SPECC1L: variants seen among roughly 807,000 people sequenced by gnomAD.
The protein encoded by SPECC1L is cytospin-A.
In SPECC1L, 40 loss-of-function variants were observed where a neutral mutation model predicts 116.8. The observed-to-expected ratio is 0.34, with a 90% CI of 0.27 to 0.45. The LOEUF is 0.45. Among genes scored for constraint, SPECC1L ranks in the 20% least tolerant of loss-of-function variants. The pLI is 1.00. For synonymous variants in SPECC1L, 504 were observed against 500.6 expected, an observed-to-expected ratio of 1.01 and a Z score of -0.09; for missense variants, 1,110 against 1,373.6, an observed-to-expected ratio of 0.81 and a Z score of 3.03.
At chr22:24,353,651 G>A (rs1252060178) in intron 11 of SPECC1L, among the ~76,000 whole-genome samples, 5 of 151,654 alleles carry the variant, frequency 3.3e-5, no homozygotes, top group Non-Finnish European at 5.9e-5. Flanking sequence ...CAGGTGATCC[G>A]CCCACCTCGA....
chr22:24,323,146 T>C lies in SPECC1L; in HGVS notation c.1938+228T>C, dbSNP rs181666717. The C allele has an allele frequency of 1.0e-3, 1,009 of 969,054 alleles. 11 individuals carry two copies. In the African/African-American group the frequency reaches 0.017, roughly 16 times the overall value. 60.0% of individuals were successfully genotyped at this position (969,054 alleles called of 1,614,324 possible). A position where few individuals can be genotyped will look rare whatever the true frequency, so the allele number is the denominator to read the frequency against. On this transcript the variant is annotated intron_variant, in intron 5 of 16. Transcript: ENST00000314328. ...TGTATTTTGTTTCTGTTTTCCTGCC[T>C]GTGAGAGGATATGGCTGGTATTACA...
chr22:24,275,542 C>T (rs1265124029), intron 1 of SPECC1L, among the ~76,000 whole-genome samples: 1 of 149,270 alleles, frequency 6.7e-6, no homozygotes, highest in East Asian at 1.9e-4. Flanking sequence ...TTCTCTTGTA[C>T]ACCTTTCACC....
intron 3 of SPECC1L, among the ~76,000 whole-genome samples, chr22:24,303,441 G>A (rs1396358007): frequency 6.6e-6 from 1 of 152,132 alleles, no homozygotes; most frequent in East Asian, 1.9e-4. Context: ...TCATTTTGTT[G>A]GTGGCAGTGC....
chr22:24,325,228 C>T (rs2040794538), intron 6 of SPECC1L, among the ~76,000 whole-genome samples: 1 of 152,164 alleles, frequency 6.6e-6, no homozygotes, highest in Non-Finnish European at 1.5e-5. Context: ...ATGGCAGTGT[C>T]CCTCACAGTA....
intron 2 of SPECC1L, among the ~76,000 whole-genome samples, chr22:24,290,008 C>T (rs181381240): frequency 6.6e-6 from 1 of 152,300 alleles, no homozygotes; most frequent in African/African-American, 2.4e-5. Flanking sequence ...TTCTTTCCTA[C>T]TCAGCTTTTT....
At position 24,390,867 on chromosome 22, in the gene SPECC1L, C is replaced by CTTTTT. The variant is rs1556306072; in HGVS notation, c.3088-20717_3088-20716insTTTTT. 1.7e-3 allele frequency among the ~76,000 whole-genome samples: 83 copies of CTTTTT among 47,534 alleles called. 1 individual carries two copies. The highest frequency in any genetic ancestry group is 3.2e-3 in the African/African-American group (39 of 12,204). The allele number at this position is 47,534 out of a possible 152,430, so 31.2% of individuals were successfully genotyped here. On this transcript the variant is annotated intron_variant, in intron 14 of 16. Coordinates refer to ENST00000314328, the MANE Select transcript of SPECC1L (RefSeq NM_015330.6). ...GCCTGTGTTCCTTTTTTTTTTTTTT[C>CTTTTT]TTTTCTTTTTTTTTTTTTTTTTTTT...
rs552079700 is a variant in SPECC1L at position 24,405,435 on chromosome 22, C to T, written c.3088-6153C>T. On this transcript the variant is annotated intron_variant, in intron 14 of 16. Transcript: ENST00000314328. ...CCAGGAGCAGGGCTCCAGGTAGGAG[C>T]AGCCTAGGGACTTTCTCGGTGATTC... is the stretch of plus-strand genomic sequence containing the variant. 2.6e-5 allele frequency among the ~76,000 whole-genome samples: 4 copies of T among 152,000 alleles called. No individual in the cohort carries two copies. The East Asian group carries it at 7.7e-4, about 29-fold the overall frequency.
chr22:24,323,190 C>T (rs927644386), intron 5 of SPECC1L: 187 of 815,096 alleles, frequency 2.3e-4, no homozygotes, highest in Non-Finnish European at 2.6e-4. Flanking sequence ...CAGAATTTGT[C>T]CCTAGTTCTG....
intron 16 of SPECC1L, 106 bp downstream of exon 16, chr22:24,412,813 C>A: frequency 7.9e-7 from 1 of 1,270,066 alleles, no homozygotes; most frequent in Non-Finnish European, 1.1e-6. Context: ...GTGTGGCTGC[C>A]TGGTAAAAGG....
intron 2 of SPECC1L, among the ~76,000 whole-genome samples, chr22:24,295,454 A>G (rs1331790994): frequency 2.7e-5 from 4 of 150,846 alleles, no homozygotes; most frequent in Admixed American, 1.3e-4. Context: ...CCCGTCACCC[A>G]GGTAGTGAGC....
intron 4 of SPECC1L, among the ~76,000 whole-genome samples, chr22:24,317,413 A>G (rs1484785017): frequency 5.1e-4 from 42 of 82,914 alleles, no homozygotes; most frequent in South Asian, 8.7e-4. Flanking sequence ...CTCACCTCCC[A>G]GATGGGGCGC....
intron 14 of SPECC1L, among the ~76,000 whole-genome samples, chr22:24,382,090 T>C (rs1165230762): frequency 3.3e-5 from 5 of 152,152 alleles, no homozygotes; most frequent in African/African-American, 1.2e-4. Flanking sequence ...TCAGACCAAA[T>C]CTCTGACGAG....
At chr22:24,357,708 C>T (rs1284431278) in intron 11 of SPECC1L, among the ~76,000 whole-genome samples, 4 of 152,100 alleles carry the variant, frequency 2.6e-5, no homozygotes, top group Non-Finnish European at 2.9e-5. Flanking sequence ...CTGTGATTAC[C>T]CTCAGGGCAG....
At chr22:24,405,551 CCTTACAGGCTGGG>C (rs1257917350) in intron 14 of SPECC1L, among the ~76,000 whole-genome samples, 1 of 152,068 alleles carries the variant, frequency 6.6e-6, no homozygotes, top group African/African-American at 2.4e-5. Flanking sequence ...CCTAAAAATA[CCTTACAGGCTGGG>C]CACGGTAGCT....
intron 2 of SPECC1L, among the ~76,000 whole-genome samples, chr22:24,297,520 T>G (rs965236446): frequency 2.0e-5 from 3 of 152,156 alleles, no homozygotes; most frequent in Non-Finnish European, 4.4e-5. Context: ...TATAGTATAT[T>G]TAACTATATT....
chr22:24,288,322 C>G (rs1415791296), intron 2 of SPECC1L, among the ~76,000 whole-genome samples: 1 of 152,026 alleles, frequency 6.6e-6, no homozygotes, highest in Admixed American at 6.5e-5. Flanking sequence ...CTCTTACACA[C>G]TCACTGTCTG....
At chr22:24,383,120 A>G (rs1248522251) in intron 14 of SPECC1L, among the ~76,000 whole-genome samples, 1 of 152,218 alleles carries the variant, frequency 6.6e-6, no homozygotes, top group African/African-American at 2.4e-5. Context: ...TTGAGACCTC[A>G]AAAGAATTAT....
At chr22:24,324,463 A>G (rs1408901573) in intron 6 of SPECC1L, 36 bp downstream of exon 6, 2 of 1,556,300 alleles carry the variant, frequency 1.3e-6, no homozygotes, top group Non-Finnish European at 1.8e-6. Context: ...TTTTTGTCCT[A>G]CTCTTTTAAA....
chr22:24,317,360 G>T, intron 4 of SPECC1L, among the ~76,000 whole-genome samples: 1 of 120,338 alleles, frequency 8.3e-6, no homozygotes, highest in South Asian at 2.6e-4. Flanking sequence ...CCGGGCAGAG[G>T]GGCTCCTCAC....
Sources: allele counts gnomAD v4.1 joint callset (sites outside exome capture counted in the v4.1 genomes callset), GRCh38; gene constraint gnomAD v4.1.1; transcripts MANE v1.5; gene names NCBI Gene and HGNC (gene_info 2026-07-23, HGNC 2026-07-21).